The following FAM193A variants were observed in gnomAD, a reference collection of about 807,000 sequenced individuals.
The protein encoded by FAM193A is protein FAM193A.
In FAM193A, 22 loss-of-function variants were observed where a neutral mutation model predicts 126.5. The observed-to-expected ratio is 0.17, with a 90% CI of 0.12 to 0.25. FAM193A has a LOEUF of 0.25. Ranked by LOEUF, FAM193A falls within the 10% of genes least tolerant of loss-of-function variation. The pLI, the probability that FAM193A is intolerant of heterozygous loss-of-function variation, is 1.00. For synonymous variants in FAM193A, 761 were observed against 646.8 expected (o/e 1.18, Z -2.68); for missense variants, 1,675 against 1,672.8 (o/e 1.00, Z -0.02).
intron 2 of FAM193A, among the ~76,000 whole-genome samples, chr4:2,619,176 C>T (rs1742387702): frequency 1.3e-5 from 2 of 151,796 alleles, no homozygotes; most frequent in South Asian, 4.1e-4. Flanking sequence ...TTGACATCTT[C>T]AGTTTCTCTT....
intron 20 of FAM193A, among the ~76,000 whole-genome samples, chr4:2,726,361 ACCT>A (rs955746244): frequency 6.6e-5 from 10 of 151,752 alleles, no homozygotes; most frequent in African/African-American, 2.2e-4. Context: ...TTTTGTAATC[ACCT>A]CCTCTCCTAA....
chr4:2,598,418 CATT>C (rs1560470112), intron 2 of FAM193A, among the ~76,000 whole-genome samples: 5 of 152,124 alleles, frequency 3.3e-5, no homozygotes, highest in African/African-American at 1.2e-4. Context: ...CTGCTATGAA[CATT>C]ATTTTTCTTC....
chr4:2,582,942 T>C (rs1275151559), intron 1 of FAM193A, among the ~76,000 whole-genome samples: 1 of 152,184 alleles, frequency 6.6e-6, no homozygotes, highest in African/African-American at 2.4e-5. Context: ...AGATGCTGCC[T>C]CCTTTTCTGG....
chr4:2,696,655 C>T, intron 18 of FAM193A, 62 bp downstream of exon 18: 1 of 1,314,276 alleles, frequency 7.6e-7, no homozygotes, highest in Non-Finnish European at 1.1e-6. Context: ...GGTGCCGTGC[C>T]ACGCCAGTCT....
intron 4 of FAM193A, among the ~76,000 whole-genome samples, chr4:2,626,907 C>T (rs1468194289): frequency 1.3e-5 from 2 of 152,136 alleles, no homozygotes; most frequent in Non-Finnish European, 2.9e-5. Flanking sequence ...TTTACAAGCA[C>T]TCTTGCCTTT....
rs2109178010 is a variant in FAM193A at position 2,675,008 on chromosome 4, G to C, written c.2331+2636G>C. Among the ~76,000 whole-genome samples, 2 of 152,298 alleles carry C rather than the reference G, an allele frequency of 1.3e-5. 1 individual carries two copies. Among genetic ancestry groups the C allele is most frequent in the South Asian group, 4.1e-4 (2 of 4,830 alleles). ...TGAAATACTACATAAAATAAAAACT[G>C]TAAGTGCCAGAGAATTTAATTTCCA... On this transcript the variant is annotated intron_variant, in intron 13 of 20. Transcript: ENST00000637812.
At chr4:2,538,627 A>G (rs1346430933) in intron 1 of FAM193A, among the ~76,000 whole-genome samples, 1 of 114,256 alleles carries the variant, frequency 8.8e-6, no homozygotes, top group Non-Finnish European at 1.6e-5. Flanking sequence ...ATGAGTCTTG[A>G]GCGTTTGGAT....
chr4:2,652,756 G>A (rs759597065), intron 7 of FAM193A, among the ~76,000 whole-genome samples: 1 of 152,216 alleles, frequency 6.6e-6, no homozygotes, highest in Non-Finnish European at 1.5e-5. Context: ...ATATCACCTG[G>A]CTTTCCCTTC....
intron 19 of FAM193A, among the ~76,000 whole-genome samples, chr4:2,702,356 A>G (rs892079824): frequency 6.6e-6 from 1 of 152,076 alleles, no homozygotes; most frequent in African/African-American, 2.4e-5. Flanking sequence ...ACTTTGTGTC[A>G]TGGTTCGATG....
intron 6 of FAM193A, among the ~76,000 whole-genome samples, chr4:2,641,470 A>C (rs185093583): frequency 6.6e-6 from 1 of 151,794 alleles, no homozygotes; most frequent in Non-Finnish European, 1.5e-5. Flanking sequence ...CCTGGCTAAC[A>C]CGGTGAAACC....
At chr4:2,573,226 C>G (rs1234022105) in intron 1 of FAM193A, among the ~76,000 whole-genome samples, 1 of 151,930 alleles carries the variant, frequency 6.6e-6, no homozygotes. Context: ...TTAAGAAGCC[C>G]ATGAGGCCAG....
intron 16 of FAM193A, 118 bp downstream of exon 16, chr4:2,693,992 C>T (rs778890211): frequency 3.3e-5 from 36 of 1,089,636 alleles, no homozygotes; most frequent in South Asian, 6.1e-5. Context: ...AGTGAAATGC[C>T]GAGGGAATGC....
At chr4:2,710,915 G>A (rs1181924786) in intron 19 of FAM193A, among the ~76,000 whole-genome samples, 6 of 143,256 alleles carry the variant, frequency 4.2e-5, no homozygotes, top group Non-Finnish European at 7.5e-5. Flanking sequence ...GCAGTGGTGT[G>A]ATCTTGGCTC....
chr4:2,630,502 C>T (rs1743454683), intron 4 of FAM193A, among the ~76,000 whole-genome samples: 1 of 152,146 alleles, frequency 6.6e-6, no homozygotes, highest in Admixed American at 6.5e-5. Flanking sequence ...AACATATAAG[C>T]CTTTAAAAGA....
chr4:2,663,312 C>A, intron 12 of FAM193A, 24 bp downstream of exon 12: 2 of 1,525,492 alleles, frequency 1.3e-6, no homozygotes, highest in Non-Finnish European at 1.8e-6. Context: ...TGCTGTTTTG[C>A]CAAGGATCTC....
intron 10 of FAM193A, among the ~76,000 whole-genome samples, chr4:2,662,459 C>A (rs115236147): frequency 0.017 from 2,606 of 152,282 alleles, 58 homozygotes; most frequent in African/African-American, 0.05. Context: ...GCCATCGGTA[C>A]CCCTTTAATT....
At chr4:2,684,517 C>T (rs1715507042) in intron 13 of FAM193A, among the ~76,000 whole-genome samples, 2 of 151,910 alleles carry the variant, frequency 1.3e-5, no homozygotes, top group Admixed American at 1.3e-4. Flanking sequence ...GCTGATATCA[C>T]CTGTGATGTA....
chr4:2,727,737 A>C (rs1398972722), intron 20 of FAM193A, among the ~76,000 whole-genome samples: 1 of 152,172 alleles, frequency 6.6e-6, no homozygotes, highest in Non-Finnish European at 1.5e-5. Flanking sequence ...AAGGTAGGAC[A>C]TAAATCCTTT....
At chr4:2,606,001 G>T (rs1741522352) in intron 2 of FAM193A, among the ~76,000 whole-genome samples, 1 of 126,084 alleles carries the variant, frequency 7.9e-6, no homozygotes, top group Non-Finnish European at 1.7e-5. Context: ...AAAAAAAATG[G>T]TTTAGTAAGT....
Sources: allele counts gnomAD v4.1 joint callset (sites outside exome capture counted in the v4.1 genomes callset), GRCh38; gene constraint gnomAD v4.1.1; transcripts MANE v1.5; gene names NCBI Gene and HGNC (gene_info 2026-07-23, HGNC 2026-07-21).